Variants in NRXN3 observed in about 807,000 individuals in gnomAD.
NRXN3 encodes the protein neurexin III.
In NRXN3, 32 loss-of-function variants were observed where a neutral mutation model predicts 137.6. That is an observed-to-expected ratio of 0.23 (90% CI 0.18 to 0.31). The LOEUF (loss-of-function observed/expected upper bound fraction) is 0.31. NRXN3 is among the 10% of genes least tolerant of loss of function. The probability of loss-of-function intolerance (pLI) is 1.00; values close to 1 mark genes in which losing one functional copy is unlikely to be tolerated. For missense variants in NRXN3, 1,574 were observed against 2,062.5 expected, an observed-to-expected ratio of 0.76 and a Z score of 4.59; for synonymous variants, 798 against 784.5, an observed-to-expected ratio of 1.02 and a Z score of -0.29.
intron 8 of NRXN3, among the ~76,000 whole-genome samples, chr14:78,726,897 A>G (rs1229901750): frequency 1.3e-5 from 2 of 148,430 alleles, no homozygotes; most frequent in African/African-American, 4.9e-5. Flanking sequence ...GCCATCATCC[A>G]TCTTCAGAAT....
chr14:78,586,575 C>T (rs1005746075), intron 4 of NRXN3, among the ~76,000 whole-genome samples: 5 of 152,232 alleles, frequency 3.3e-5, no homozygotes, highest in African/African-American at 1.2e-4. Context: ...CTGTAGTCCT[C>T]AGCCAAGGCT....
chr14:79,080,611 T>C (rs540096210), intron 15 of NRXN3, among the ~76,000 whole-genome samples: 1 of 152,342 alleles, frequency 6.6e-6, no homozygotes, highest in East Asian at 1.9e-4. Flanking sequence ...TTTGTCGTTA[T>C]ATGTTTCAGA....
chr14:79,126,712 A>G (rs1370148622), intron 15 of NRXN3, among the ~76,000 whole-genome samples: 4 of 152,038 alleles, frequency 2.6e-5, no homozygotes, highest in Admixed American at 1.3e-4. Flanking sequence ...GCTGGGTCAA[A>G]TGGTATTTCT....
At chr14:78,812,894 T>A (rs865918090) in intron 10 of NRXN3, among the ~76,000 whole-genome samples, 2 of 152,338 alleles carry the variant, frequency 1.3e-5, no homozygotes, top group Middle Eastern at 3.4e-3. Flanking sequence ...AATAATACAG[T>A]GCTCAATGGT....
chr14:79,120,938 T>C (rs1364335207), intron 15 of NRXN3, among the ~76,000 whole-genome samples: 2 of 152,146 alleles, frequency 1.3e-5, no homozygotes, highest in African/African-American at 4.8e-5. Flanking sequence ...TCTTATTGTA[T>C]CACATTTCTA....
intron 2 of NRXN3, among the ~76,000 whole-genome samples, chr14:78,255,101 A>G (rs2069326579): frequency 6.6e-6 from 1 of 150,670 alleles, no homozygotes; most frequent in Non-Finnish European, 1.5e-5. Flanking sequence ...TGCACCCTAA[A>G]GGGGATGAGG....
rs890628832 is a variant in NRXN3 at position 78,278,673 on chromosome 14, G to A, written c.727+11G>A. On this transcript the variant is annotated intron_variant, in intron 3 of 20. Coordinates refer to ENST00000335750, the MANE Select transcript of NRXN3 (RefSeq NM_001330195.2). The stretch of plus-strand genomic sequence containing the variant: ...TCAGTCAAGATCCAGGTGAGTCTTT[G>A]TGTTTGCACAGCTGCTGTGGGAATT... The A allele has an allele frequency of 2.0e-6, 3 of 1,534,730 alleles. No individual in the cohort carries two copies. Among genetic ancestry groups the A allele is most frequent in the Admixed American group, 3.9e-5 (2 of 50,990 alleles).
intron 4 of NRXN3, among the ~76,000 whole-genome samples, chr14:78,351,905 G>A (rs2083568539): frequency 6.7e-6 from 1 of 149,988 alleles, no homozygotes; most frequent in Admixed American, 6.7e-5. Context: ...CTATTTCGGT[G>A]TCATAAACAT....
At chr14:79,654,041 C>G (rs901747612) in intron 16 of NRXN3, among the ~76,000 whole-genome samples, 1 of 152,172 alleles carries the variant, frequency 6.6e-6, no homozygotes, top group African/African-American at 2.4e-5. Flanking sequence ...GGAAGTGGAA[C>G]AGAGACTTGG....
chr14:78,874,179 C>T lies in NRXN3; in HGVS notation c.2275+63835C>T, dbSNP rs866731604. 4.6e-5 allele frequency among the ~76,000 whole-genome samples: 7 copies of T among 152,106 alleles called. No individual in the cohort carries two copies. The Middle Eastern group carries it at 0.024, about 517-fold the overall frequency. On this transcript the variant is annotated intron_variant, in intron 10 of 20. Transcript: ENST00000335750. The stretch of plus-strand genomic sequence containing the variant: ...TAGAGATAGGATATCACCATGTTGG[C>T]CAGGCTGGTCTTGAACTCTTGACCT...
intron 15 of NRXN3, among the ~76,000 whole-genome samples, chr14:79,037,841 G>A: frequency 6.6e-6 from 1 of 152,090 alleles, no homozygotes. Flanking sequence ...GCTTATGATG[G>A]CCCTGCCAAA....
intron 16 of NRXN3, among the ~76,000 whole-genome samples, chr14:79,500,961 T>A (rs1198116392): frequency 6.6e-6 from 1 of 152,158 alleles, no homozygotes; most frequent in African/African-American, 2.4e-5. Flanking sequence ...CTTTTTTTCA[T>A]AAATAATAAG....
intron 14 of NRXN3, among the ~76,000 whole-genome samples, chr14:78,973,495 A>G (rs1011710873): frequency 1.3e-5 from 2 of 152,168 alleles, no homozygotes; most frequent in Non-Finnish European, 2.9e-5. Context: ...TCAGAGATTT[A>G]TATTTTCTAT....
chr14:78,248,314 C>CCCCCCCCCCCCCCCCCA (rs71131639), intron 2 of NRXN3, among the ~76,000 whole-genome samples: 2 of 47,554 alleles, frequency 4.2e-5, no homozygotes. Flanking sequence ...CCCCCCCCCC[C>CCCCCCCCCCCCCCCCCA]CCACCCGCCA....
At chr14:78,216,783 G>A (rs1566988828) in intron 1 of NRXN3, among the ~76,000 whole-genome samples, 1 of 152,202 alleles carries the variant, frequency 6.6e-6, no homozygotes, top group Admixed American at 6.5e-5. Flanking sequence ...CGGTCCCTCT[G>A]AAGGCTCTAG....
chr14:79,338,764 T>C (rs1196517582), intron 15 of NRXN3, among the ~76,000 whole-genome samples: 2 of 152,208 alleles, frequency 1.3e-5, no homozygotes, highest in African/African-American at 2.4e-5. Context: ...TTTTCAAGTA[T>C]CTAAGACTTC....
intron 19 of NRXN3, among the ~76,000 whole-genome samples, chr14:79,771,055 C>A (rs1468222942): frequency 6.6e-6 from 1 of 152,142 alleles, no homozygotes; most frequent in Non-Finnish European, 1.5e-5. Context: ...GAAACATACA[C>A]TCTCCCAAGA....
chr14:79,598,430 G>C (rs1235411670), intron 16 of NRXN3, among the ~76,000 whole-genome samples: 1 of 152,122 alleles, frequency 6.6e-6, no homozygotes, highest in Non-Finnish European at 1.5e-5. Flanking sequence ...TTCTACCAGA[G>C]GTTGAAGTGA....
chr14:78,423,890 G>A (rs779678178), intron 4 of NRXN3, among the ~76,000 whole-genome samples: 1 of 152,178 alleles, frequency 6.6e-6, no homozygotes, highest in Non-Finnish European at 1.5e-5. Context: ...AAGACTTTCC[G>A]CTTAAGGAAA....
Sources: allele counts gnomAD v4.1 joint callset (sites outside exome capture counted in the v4.1 genomes callset), GRCh38; gene constraint gnomAD v4.1.1; transcripts MANE v1.5; gene names NCBI Gene and HGNC (gene_info 2026-07-23, HGNC 2026-07-21).